ELF2: variants seen among roughly 807,000 people sequenced by gnomAD.
ELF2 encodes the protein ETS-related transcription factor Elf-2.
ELF2 carries 11 observed loss-of-function variants against 54.8 expected under a neutral mutation model. The observed-to-expected ratio is 0.20, with a 90% confidence interval of 0.13 to 0.33. The LOEUF (loss-of-function observed/expected upper bound fraction) is 0.33, where lower values mean the gene tolerates loss of function less well. Ranked by LOEUF, ELF2 falls within the 10% of genes least tolerant of loss-of-function variation. The pLI is 1.00. For missense variants in ELF2, 513 were observed against 703.0 expected (o/e 0.73, Z 3.06); for synonymous variants, 203 against 245.1 (o/e 0.83, Z 1.61).
intron 4 of ELF2, among the ~76,000 whole-genome samples, chr4:139,086,508 ATTTAT>A (rs769987108): frequency 6.6e-6 from 1 of 152,206 alleles, no homozygotes; most frequent in East Asian, 1.9e-4. Context: ...TATGTTACTG[ATTTAT>A]TTAATAGTCA....
upstream of ELF2, chr4:139,177,245 G>GGCCCCCTCCCTCCACCCCCC (rs1743056880): frequency 4.5e-5 from 2 of 44,034 alleles, no homozygotes; most frequent in African/African-American, 1.8e-4. Flanking sequence ...CTCCGCTCCC[G>GGCCCCCTCCCTCCACCCCCC]GCCCCCTCCC....
At chr4:139,170,052 T>C (rs1226040680) in intron 1 of ELF2, among the ~76,000 whole-genome samples, 2 of 152,110 alleles carry the variant, frequency 1.3e-5, no homozygotes, top group African/African-American at 4.8e-5. Flanking sequence ...TTTCTCACCA[T>C]ACACAGAAAT....
intron 7 of ELF2, among the ~76,000 whole-genome samples, 190 bp from the exon 8 acceptor site, chr4:139,062,247 T>C (rs1249918393): frequency 2.6e-5 from 4 of 152,066 alleles, no homozygotes; most frequent in African/African-American, 9.7e-5. Flanking sequence ...CTTGGCTCAC[T>C]GCAACCTCCA....
chr4:139,141,153 T>C (rs1271673636), intron 1 of ELF2, among the ~76,000 whole-genome samples: 2 of 152,186 alleles, frequency 1.3e-5, no homozygotes, highest in Non-Finnish European at 2.9e-5. Flanking sequence ...AGAATACAAA[T>C]GGAAGCCTAC....
intron 4 of ELF2, among the ~76,000 whole-genome samples, chr4:139,078,840 C>T (rs1036942918): frequency 2.0e-5 from 3 of 152,164 alleles, no homozygotes; most frequent in Non-Finnish European, 2.9e-5. Context: ...CTGTATTTAT[C>T]ATATTTGAAA....
Position 139,141,482 on chromosome 4 carries a change from G to T in ELF2, c.-251-1985C>A, listed in dbSNP as rs146891279. 1.9e-3 allele frequency among the ~76,000 whole-genome samples: 288 copies of T among 152,272 alleles called. 1 individual carries two copies. Among genetic ancestry groups the T allele is most frequent in the Non-Finnish European group, 3.1e-3 (209 of 68,030 alleles). ...TCCTTGGCCATCCCTTAAACACAGG[G>T]GATCCCATATGTGTTGTACAGTCAA... is the stretch of plus-strand genomic sequence containing the variant. On this transcript the variant is annotated intron_variant, in intron 1 of 9. Coordinates refer to ENST00000686138, the MANE Select transcript of ELF2 (RefSeq NM_001331036.3).
rs543635204 is a variant in ELF2, at chr4:139,172,391, C to T, written c.-252+4576G>A. On this transcript the variant is annotated intron_variant, in intron 1 of 9. Coordinates refer to ENST00000686138, the MANE Select transcript of ELF2 (RefSeq NM_001331036.3). ...CATTCTGAGCAGCATGATGAAACCTCATACCATGCCCCTCTGCCTCGGCCA... is the reference window on the plus strand; with the variant it reads ...CATTCTGAGCAGCATGATGAAACCTTATACCATGCCCCTCTGCCTCGGCCA... Among the ~76,000 whole-genome samples, 12 of 152,330 alleles carry T rather than the reference C, an allele frequency of 7.9e-5. No homozygotes were observed. The South Asian group carries it at 2.5e-3, about 32-fold the overall frequency.
chr4:139,093,618 T>C (rs780703336), intron 4 of ELF2, among the ~76,000 whole-genome samples: 32 of 152,200 alleles, frequency 2.1e-4, no homozygotes, highest in Non-Finnish European at 4.4e-4. Context: ...GACTTCAACA[T>C]CTGAAAATCC....
chr4:139,102,849 A>C (rs1734042765), intron 4 of ELF2, among the ~76,000 whole-genome samples: 1 of 152,188 alleles, frequency 6.6e-6, no homozygotes, highest in Non-Finnish European at 1.5e-5. Context: ...TCCAAAAAAA[A>C]GAAGTATCTT....
chr4:139,081,862 T>C (rs1731159531), intron 4 of ELF2, among the ~76,000 whole-genome samples: 2 of 152,192 alleles, frequency 1.3e-5, no homozygotes, highest in South Asian at 2.1e-4. Flanking sequence ...ATGAACATAA[T>C]TGGTGACATA....
intron 4 of ELF2, among the ~76,000 whole-genome samples, chr4:139,124,758 T>C (rs1458924874): frequency 1.3e-5 from 2 of 152,136 alleles, no homozygotes; most frequent in South Asian, 2.1e-4. Context: ...ATCTTATTGC[T>C]CCATCAATAT....
intron 4 of ELF2, among the ~76,000 whole-genome samples, chr4:139,122,703 G>A (rs947023222): frequency 4.0e-5 from 6 of 151,610 alleles, no homozygotes; most frequent in Non-Finnish European, 8.8e-5. Context: ...GGATTTCGCC[G>A]TGTTAGCCAG....
chr4:139,163,714 G>C (rs532772101), intron 1 of ELF2, among the ~76,000 whole-genome samples: 69 of 152,168 alleles, frequency 4.5e-4, no homozygotes, highest in African/African-American at 1.6e-3. Flanking sequence ...AGGAGTTCAA[G>C]ACCAGCCTGT....
chr4:139,149,955 A>T (rs1473894695), intron 1 of ELF2, among the ~76,000 whole-genome samples: 2 of 152,126 alleles, frequency 1.3e-5, no homozygotes, highest in African/African-American at 4.8e-5. Flanking sequence ...AGCACTTACG[A>T]AGGCCGAGGT....
intron 4 of ELF2, among the ~76,000 whole-genome samples, chr4:139,083,646 G>C (rs1363437965): frequency 3.9e-5 from 6 of 152,218 alleles, no homozygotes; most frequent in Admixed American, 3.9e-4. Flanking sequence ...TCTGAAGGGA[G>C]AACCGAGCGG....
At chr4:139,151,032 AAAAGAAAGAAAGAAAGAAAG>A (rs71600182) in intron 1 of ELF2, among the ~76,000 whole-genome samples, 4,122 of 102,522 alleles carry the variant, frequency 0.04, 203 homozygotes, top group South Asian at 0.063. Flanking sequence ...TCAAAAAAAA[AAAAGAAAGAAAGAAAGAAAG>A]AAAGAAAGAA....
chr4:139,139,218 G>GA (rs1427354354), intron 2 of ELF2, among the ~76,000 whole-genome samples, 195 bp downstream of exon 2: 9 of 151,866 alleles, frequency 5.9e-5, no homozygotes, highest in Admixed American at 5.9e-4. Flanking sequence ...TGAAATACCT[G>GA]AAAAAAAGCA....
chr4:139,121,826 T>A (rs546132598), intron 4 of ELF2, among the ~76,000 whole-genome samples: 1 of 152,360 alleles, frequency 6.6e-6, no homozygotes, highest in African/African-American at 2.4e-5. Context: ...CAAAATAGAA[T>A]TGGTTTCTCC....
At chr4:139,121,694 A>C (rs1254323647) in intron 4 of ELF2, among the ~76,000 whole-genome samples, 1 of 152,156 alleles carries the variant, frequency 6.6e-6, no homozygotes, top group Non-Finnish European at 1.5e-5. Flanking sequence ...GCCAGAGTCA[A>C]GACCACCCTT....
Sources: allele counts gnomAD v4.1 joint callset (sites outside exome capture counted in the v4.1 genomes callset), GRCh38; gene constraint gnomAD v4.1.1; transcripts MANE v1.5; gene names NCBI Gene and HGNC (gene_info 2026-07-23, HGNC 2026-07-21).